Variants in NEK11 observed in about 807,000 individuals in gnomAD.
NEK11 encodes the protein serine/threonine-protein kinase Nek11.
In NEK11, 72 loss-of-function variants were observed where a neutral mutation model predicts 80.7. The ratio of observed to expected loss-of-function variants is 0.89; its 90% CI spans 0.74 to 1.08. The LOEUF is 1.08. Ranked by LOEUF, NEK11 falls within the 50% of genes least tolerant of loss-of-function variation. The pLI, the probability that NEK11 is intolerant of heterozygous loss-of-function variation, is 0.00. For missense variants in NEK11, 764 were observed against 763.6 expected (o/e 1.00, Z -0.01); for synonymous variants, 251 against 260.7 (o/e 0.96, Z 0.36).
chr3:131,325,146 G>C (rs559587344), intron 17 of NEK11: 2 of 152,304 alleles, frequency 1.3e-5, no homozygotes, highest in Admixed American at 1.3e-4. Context: ...TGTTGGGGGA[G>C]GGGGATCAGC....
intron 16 of NEK11, among the ~76,000 whole-genome samples, chr3:131,245,172 T>C (rs1194173978): frequency 2.0e-5 from 3 of 152,268 alleles, no homozygotes; most frequent in Admixed American, 6.5e-5. Context: ...CTCCCACTTA[T>C]AAGTGAGAAC....
intron 16 of NEK11, among the ~76,000 whole-genome samples, chr3:131,252,706 G>A (rs920500480): frequency 3.3e-5 from 5 of 151,980 alleles, no homozygotes; most frequent in Non-Finnish European, 5.9e-5. Flanking sequence ...TACCTAGAGG[G>A]CTTAAAATAC....
chr3:131,193,440 T>C (rs1182152088), intron 14 of NEK11, among the ~76,000 whole-genome samples: 1 of 152,194 alleles, frequency 6.6e-6, no homozygotes, highest in African/African-American at 2.4e-5. Flanking sequence ...AAAATGACAC[T>C]GCAAGAGCTA....
intron 4 of NEK11, among the ~76,000 whole-genome samples, chr3:131,094,015 G>A (rs2077092353): frequency 6.7e-6 from 1 of 148,398 alleles, no homozygotes; most frequent in Non-Finnish European, 1.5e-5. Context: ...CTGGAGAAAA[G>A]CTTCCCTAGT....
intron 5 of NEK11, among the ~76,000 whole-genome samples, chr3:131,116,023 A>G (rs1455762229): frequency 3.5e-5 from 5 of 141,740 alleles, no homozygotes; most frequent in Non-Finnish European, 6.1e-5. Flanking sequence ...CATGTACACA[A>G]CGTGCAGGTT....
chr3:131,150,375 A>G (rs1560649244), intron 7 of NEK11, among the ~76,000 whole-genome samples: 1 of 150,718 alleles, frequency 6.6e-6, no homozygotes, highest in Non-Finnish European at 1.5e-5. Context: ...ATCTTTATTG[A>G]TTTTTTTAAT....
chr3:131,058,246 A>G (rs922508232), intron 3 of NEK11, among the ~76,000 whole-genome samples: 1 of 152,046 alleles, frequency 6.6e-6, no homozygotes, highest in Admixed American at 6.6e-5. Context: ...CCATTGATCT[A>G]TGTCTCTGTT....
At chr3:131,176,812 C>T (rs918469083) in intron 14 of NEK11, among the ~76,000 whole-genome samples, 6 of 151,990 alleles carry the variant, frequency 3.9e-5, no homozygotes, top group African/African-American at 7.2e-5. Context: ...ATAAGTAAAC[C>T]GCCTGGGAAG....
intron 7 of NEK11, among the ~76,000 whole-genome samples, chr3:131,144,130 A>G (rs973214944): frequency 3.9e-5 from 6 of 152,148 alleles, no homozygotes; most frequent in African/African-American, 1.4e-4. Context: ...ATTATCAATC[A>G]ACCTGTGCTT....
At position 131,273,540 on chromosome 3, in the gene NEK11, G is replaced by A; in HGVS notation, c.1684G>A (p.Val562Met). 3.1e-6 allele frequency: 5 copies of A among 1,614,068 alleles called. No individual in the cohort carries two copies. The highest frequency in any genetic ancestry group is 4.2e-6 in the Non-Finnish European group (5 of 1,179,948). ...MSPGPPIFNS[V>M]MARTKMKRMR... The stretch of plus-strand genomic sequence containing the variant: ...CCCAGGACCACCAATTTTCAACAGT[G>A]TGATGGCCAGGACCAAGATGAAACG... The change falls in exon 17 of 18, where the codon GTG becomes ATG. Residue 562 changes from valine (V) to methionine (M), a missense_variant. By Grantham distance (21) the Val-to-Met change is conservative (BLOSUM62 1). Coordinates refer to ENST00000383366, the MANE Select transcript of NEK11 (RefSeq NM_024800.5).
chr3:131,170,937 G>A, intron 14 of NEK11, 50 bp downstream of exon 14: 1 of 1,417,412 alleles, frequency 7.1e-7, no homozygotes, highest in Non-Finnish European at 1.0e-6. Context: ...TGCTGCACAG[G>A]TTGCTGTGGC....
intron 17 of NEK11, among the ~76,000 whole-genome samples, chr3:131,336,677 A>G (rs999098334): frequency 6.6e-6 from 1 of 152,244 alleles, no homozygotes; most frequent in Non-Finnish European, 1.5e-5. Flanking sequence ...CAGAGTGAAC[A>G]GGCAACCTAC....
intron 3 of NEK11, among the ~76,000 whole-genome samples, chr3:131,070,453 C>G (rs765084095): frequency 6.6e-6 from 1 of 152,108 alleles, no homozygotes; most frequent in Non-Finnish European, 1.5e-5. Context: ...CACTGCCTCC[C>G]TCTTCTGTAT....
chr3:131,197,499 A>G lies in NEK11; in HGVS notation c.1399+26612A>G, dbSNP rs543837401. Among the ~76,000 whole-genome samples the G allele has an allele frequency of 7.9e-5, 12 of 152,284 alleles. No homozygotes were observed. The South Asian group carries it at 2.3e-3, about 29-fold the overall frequency. ...GTTAAAGATACAGGGATTGAAATGTATGGCCTGAAGTGCAGGGGATTATTT... is the reference window on the plus strand; with the variant it reads ...GTTAAAGATACAGGGATTGAAATGTGTGGCCTGAAGTGCAGGGGATTATTT... On this transcript the variant is annotated intron_variant, in intron 14 of 17. Transcript: ENST00000383366.
chr3:131,201,099 G>T (rs2094208889), intron 14 of NEK11, among the ~76,000 whole-genome samples: 1 of 151,550 alleles, frequency 6.6e-6, no homozygotes, highest in Non-Finnish European at 1.5e-5. Context: ...ACTAAAAGAA[G>T]CAAGATATGA....
chr3:131,122,280 G>A (rs767023356), intron 5 of NEK11, among the ~76,000 whole-genome samples: 6 of 152,200 alleles, frequency 3.9e-5, no homozygotes, highest in African/African-American at 9.7e-5. Flanking sequence ...GAGAAGTTGT[G>A]TTTGGTGTTA....
intron 16 of NEK11, among the ~76,000 whole-genome samples, chr3:131,247,487 T>G (rs1427405051): frequency 6.6e-6 from 1 of 152,166 alleles, no homozygotes; most frequent in Non-Finnish European, 1.5e-5. Flanking sequence ...TGTGCCTGTT[T>G]TTATACCAGT....
intron 17 of NEK11, among the ~76,000 whole-genome samples, chr3:131,347,133 T>G (rs1292709836): frequency 6.6e-6 from 1 of 152,174 alleles, no homozygotes; most frequent in African/African-American, 2.4e-5. Flanking sequence ...GACAATCTCA[T>G]GACAGAAGGT....
chr3:131,157,523 C>T (rs1454393207), intron 10 of NEK11, among the ~76,000 whole-genome samples: 1 of 152,100 alleles, frequency 6.6e-6, no homozygotes, highest in Non-Finnish European at 1.5e-5. Context: ...GAATAGAAAA[C>T]ATAGTCAATA....
Sources: allele counts gnomAD v4.1 joint callset (sites outside exome capture counted in the v4.1 genomes callset), GRCh38; gene constraint gnomAD v4.1.1; transcripts MANE v1.5; gene names NCBI Gene and HGNC (gene_info 2026-07-23, HGNC 2026-07-21).